The following FBXO17 variants were observed in gnomAD, a reference collection of about 807,000 sequenced individuals.
FBXO17 encodes F-box protein 17.
FBXO17 carries 43 observed loss-of-function variants against 34.1 expected under a neutral mutation model. The ratio of observed to expected loss-of-function variants is 1.26; its 90% CI spans 0.99 to 1.62. FBXO17 has a LOEUF of 1.62. Ranked by LOEUF, FBXO17 falls within the 40% of genes most tolerant of loss-of-function variation. FBXO17 has a pLI of 0.00. For synonymous variants in FBXO17, 169 were observed against 166.0 expected (o/e 1.02, Z -0.14); for missense variants, 424 against 386.7 (o/e 1.10, Z -0.81).
At chr19:38,952,704 C>G in intron 1 of FBXO17, 1 of 516,920 alleles carries the variant, frequency 1.9e-6, no homozygotes, top group Non-Finnish European at 3.9e-6. Context: ...ATAGTTCTTC[C>G]GCAGCCCCAA....
chr19:38,947,077 T>C (rs1205247364), intron 3 of FBXO17: 1 of 157,830 alleles, frequency 6.3e-6, no homozygotes. Flanking sequence ...CAAATCTCCA[T>C]GGCACTCTCT....
intron 1 of FBXO17, among the ~76,000 whole-genome samples, chr19:38,962,021 T>C (rs1975257256): frequency 6.6e-6 from 1 of 150,386 alleles, no homozygotes; most frequent in South Asian, 2.1e-4. Context: ...AATGGAATCA[T>C]ATAGAGTGTC....
intron 1 of FBXO17, among the ~76,000 whole-genome samples, chr19:38,952,336 C>T (rs1460722305): frequency 2.0e-5 from 3 of 152,184 alleles, no homozygotes; most frequent in Non-Finnish European, 4.4e-5. Flanking sequence ...CATTTCTACC[C>T]CATACCCCAA....
Position 38,950,315 on chromosome 19 carries a change from C to CCCAT in FBXO17, c.1_4dup (p.Gly2AspfsTer180). ...CAGCCGTCGCCGCGATAGCCGGGCG[C>CCCAT]CCATCTCCAGTAGCCAGAGTCCTGC... is the stretch of plus-strand genomic sequence containing the variant. On this transcript the variant is annotated frameshift_variant, in exon 2 of 6. Transcript: ENST00000292852. LOFTEE classifies it high-confidence loss of function. 7.0e-7 allele frequency: 1 copy of CCCAT among 1,430,266 alleles called. No homozygotes were observed. Among genetic ancestry groups the CCCAT allele is most frequent in the Non-Finnish European group, 9.1e-7 (1 of 1,101,016 alleles). 88.6% of individuals were successfully genotyped at this position (1,430,266 alleles called of 1,614,324 possible).
chr19:38,945,734 A>T (rs1460952948), intron 4 of FBXO17: 1 of 74,422 alleles, frequency 1.3e-5, no homozygotes, highest in South Asian at 3.4e-4. Context: ...CAGAACCTGG[A>T]GGAGAAGCCT....
chr19:38,969,091 A>C (rs1483940335), intron 1 of FBXO17, among the ~76,000 whole-genome samples: 3 of 152,124 alleles, frequency 2.0e-5, no homozygotes, highest in Non-Finnish European at 4.4e-5. Flanking sequence ...TTTGCAATTA[A>C]AGCATGTAGG....
chr19:38,966,293 TTG>T (rs10569438), intron 1 of FBXO17, among the ~76,000 whole-genome samples: 17,112 of 142,946 alleles, frequency 0.12, 1,368 homozygotes, highest in African/African-American at 0.23. Flanking sequence ...ATTAAAAATT[TTG>T]TGTGTGTGTG....
At position 38,973,407 on chromosome 19, in the gene FBXO17, TGAACAATTTCCCCTGCTGTCTCTAGCA is replaced by T. The variant is rs1975415908; in HGVS notation, c.-18+2152_-18+2178del. ...CATTCTGCCATCAATACCCACTCCGTGAACAATTTCCCCTGCTGTCTCTAGCAGGTCTTCTGTGGCTGTTTCCTCCTA... is the reference window on the plus strand; with the variant it reads ...CATTCTGCCATCAATACCCACTCCGTGGTCTTCTGTGGCTGTTTCCTCCTA... On this transcript the variant is annotated intron_variant, in intron 1 of 5. Transcript: ENST00000292852. Among the ~76,000 whole-genome samples, 3 of 152,220 alleles carry T rather than the reference TGAACAATTTCCCCTGCTGTCTCTAGCA, an allele frequency of 2.0e-5. No homozygotes were observed. In the South Asian group the frequency reaches 6.2e-4, roughly 32 times the overall value.
intron 1 of FBXO17, among the ~76,000 whole-genome samples, chr19:38,964,530 A>T (rs1975294927): frequency 6.6e-6 from 1 of 152,078 alleles, no homozygotes; most frequent in Admixed American, 6.6e-5. Context: ...ACATTTTGGG[A>T]GAATGAGGCA....
chr19:38,943,961 C>A (rs922962060), intron 5 of FBXO17, among the ~76,000 whole-genome samples: 2 of 152,204 alleles, frequency 1.3e-5, no homozygotes, highest in African/African-American at 4.8e-5. Flanking sequence ...GCCATCACCA[C>A]TACCTAATTC....
intron 1 of FBXO17, among the ~76,000 whole-genome samples, chr19:38,957,188 C>T (rs1433505193): frequency 6.6e-6 from 1 of 151,948 alleles, no homozygotes; most frequent in Non-Finnish European, 1.5e-5. Flanking sequence ...ACTCACTGCA[C>T]TTCAGCCTGG....
chr19:38,945,970 C>T (rs1974977201), intron 4 of FBXO17: 1 of 181,052 alleles, frequency 5.5e-6, no homozygotes, highest in East Asian at 1.7e-4. Context: ...GAGCCAGAGC[C>T]CCAGGGAAGA....
At chr19:38,955,630 C>T (rs1203448157) in intron 1 of FBXO17, among the ~76,000 whole-genome samples, 2 of 151,718 alleles carry the variant, frequency 1.3e-5, no homozygotes, top group Non-Finnish European at 2.9e-5. Context: ...ACTACAGGTG[C>T]GTGCCACCAG....
At chr19:38,946,590 G>A in intron 3 of FBXO17, 23 bp from the exon 4 acceptor site, 4 of 1,610,860 alleles carry the variant, frequency 2.5e-6, no homozygotes, top group Admixed American at 1.7e-5. Context: ...GATGGCAGGG[G>A]GCAGGGCAAA....
intron 1 of FBXO17, chr19:38,952,462 G>C (rs1975098793): frequency 2.0e-6 from 1 of 506,986 alleles, no homozygotes; most frequent in Non-Finnish European, 4.0e-6. Flanking sequence ...CTGGAACCCA[G>C]CTCTCCTGTG....
chr19:38,963,845 G>A (rs1975286330), intron 1 of FBXO17, among the ~76,000 whole-genome samples: 2 of 151,520 alleles, frequency 1.3e-5, no homozygotes, highest in African/African-American at 2.4e-5. Flanking sequence ...GTGCAGTGGT[G>A]CAATCTCGGC....
At chr19:38,969,681 C>T (rs1034938531) in intron 1 of FBXO17, among the ~76,000 whole-genome samples, 1 of 150,730 alleles carries the variant, frequency 6.6e-6, no homozygotes, top group Non-Finnish European at 1.5e-5. Flanking sequence ...ACTGCAACCT[C>T]CACCTTCTGG....
chr19:38,949,866 G>T, intron 2 of FBXO17, 105 bp downstream of exon 2: 2 of 1,312,746 alleles, frequency 1.5e-6, no homozygotes, highest in Admixed American at 3.1e-5. Context: ...GGCTCCTCCA[G>T]CGGTCTCGCC....
chr19:38,964,907 A>G (rs1975300117), intron 1 of FBXO17, among the ~76,000 whole-genome samples: 1 of 152,150 alleles, frequency 6.6e-6, no homozygotes. Flanking sequence ...CCCTGCTAAC[A>G]TGAACAAGTG....
Sources: allele counts gnomAD v4.1 joint callset (sites outside exome capture counted in the v4.1 genomes callset), GRCh38; gene constraint gnomAD v4.1.1; transcripts MANE v1.5; gene names NCBI Gene and HGNC (gene_info 2026-07-23, HGNC 2026-07-21).